ATF2: variants seen among roughly 807,000 people sequenced by gnomAD.
ATF2 encodes activating transcription factor 2.
ATF2 carries 24 observed loss-of-function variants against 60.6 expected under a neutral mutation model. The ratio of observed to expected loss-of-function variants is 0.40; its 90% CI spans 0.29 to 0.56. The LOEUF (loss-of-function observed/expected upper bound fraction) is 0.56. Among genes scored for constraint, ATF2 ranks in the 20% least tolerant of loss-of-function variants. The probability of loss-of-function intolerance (pLI) is 0.54; values close to 1 mark genes in which losing one functional copy is unlikely to be tolerated. For synonymous variants in ATF2, 206 were observed against 215.4 expected (o/e 0.96, Z 0.38); for missense variants, 433 against 607.7 (o/e 0.71, Z 3.02).
chr2:175,163,610 G>A (rs1700155486), intron 1 of ATF2, among the ~76,000 whole-genome samples: 2 of 151,838 alleles, frequency 1.3e-5, no homozygotes, highest in Admixed American at 1.3e-4. Context: ...TACTGTCAAT[G>A]TCAAAATGCC....
Position 175,073,162 on chromosome 2 carries a change from T to C in ATF2, c.*1447A>G, listed in dbSNP as rs1428116202. 1 of 152,158 alleles carries C rather than the reference T, an allele frequency of 6.6e-6. No individual in the cohort carries two copies. Among genetic ancestry groups the C allele is most frequent in the Non-Finnish European group, 1.5e-5 (1 of 68,036 alleles). 9.4% of individuals were successfully genotyped at this position (152,158 alleles called of 1,614,324 possible). A position where few individuals can be genotyped will look rare whatever the true frequency, so the allele number is the denominator to read the frequency against. On this transcript the variant is annotated 3_prime_UTR_variant, in exon 14 of 14. Transcript: ENST00000264110. ...GTTTTCTTACGCACATCTACTACTTTTAAAATTTTATGTTTAACAATTTAT... is the reference window on the plus strand; with the variant it reads ...GTTTTCTTACGCACATCTACTACTTCTAAAATTTTATGTTTAACAATTTAT...
At chr2:175,112,540 G>A (rs980677970) in intron 9 of ATF2, among the ~76,000 whole-genome samples, 5 of 152,060 alleles carry the variant, frequency 3.3e-5, no homozygotes, top group Admixed American at 6.6e-5. Context: ...TAATCTCACC[G>A]AAAGTGTTGG....
chr2:175,115,291 A>G (rs1340913022), intron 7 of ATF2, among the ~76,000 whole-genome samples: 2 of 152,328 alleles, frequency 1.3e-5, no homozygotes, highest in South Asian at 4.1e-4. Context: ...AGACTGTGTT[A>G]TGGCTGATAC....
chr2:175,075,362 T>C (rs1693221086), intron 13 of ATF2, among the ~76,000 whole-genome samples: 1 of 152,188 alleles, frequency 6.6e-6, no homozygotes, highest in South Asian at 2.1e-4. Flanking sequence ...TAACACCTGA[T>C]TCTAATGATG....
At chr2:175,144,096 T>C (rs1046947896) in intron 2 of ATF2, among the ~76,000 whole-genome samples, 7 of 152,114 alleles carry the variant, frequency 4.6e-5, no homozygotes, top group Non-Finnish European at 8.8e-5. Context: ...ACCTGATTCT[T>C]TGCCCATTTT....
At chr2:175,155,604 G>A (rs1426109167) in intron 1 of ATF2, among the ~76,000 whole-genome samples, 1 of 152,102 alleles carries the variant, frequency 6.6e-6, no homozygotes, top group Non-Finnish European at 1.5e-5. Context: ...AAAAAATTTT[G>A]AAAAATTAAA....
At chr2:175,117,882 G>T in intron 7 of ATF2, 108 bp downstream of exon 7, 1 of 1,246,892 alleles carries the variant, frequency 8.0e-7, no homozygotes, top group Non-Finnish European at 1.1e-6. Flanking sequence ...TAAAACTATT[G>T]CAAGCTGACA....
chr2:175,153,254 G>A (rs1641727286), intron 1 of ATF2, among the ~76,000 whole-genome samples: 1 of 152,162 alleles, frequency 6.6e-6, no homozygotes, highest in Non-Finnish European at 1.5e-5. Context: ...AGGAGCCTCT[G>A]CTTTGCCCCC....
intron 3 of ATF2, among the ~76,000 whole-genome samples, chr2:175,135,902 A>G (rs1698109210): frequency 6.6e-6 from 1 of 152,170 alleles, no homozygotes; most frequent in Admixed American, 6.5e-5. Context: ...TTAACCCTTC[A>G]ATAGCAATGC....
chr2:175,115,481 A>G (rs1316978844), intron 7 of ATF2, among the ~76,000 whole-genome samples: 1 of 152,180 alleles, frequency 6.6e-6, no homozygotes, highest in Non-Finnish European at 1.5e-5. Context: ...AGAATTTGTC[A>G]GCCAAGACCT....
chr2:175,114,599 C>T, intron 8 of ATF2, 91 bp downstream of exon 8: 1 of 1,523,514 alleles, frequency 6.6e-7, no homozygotes, highest in Non-Finnish European at 8.8e-7. Context: ...AAACTAAGAT[C>T]TTAGTTTGAA....
chr2:175,089,181 CA>C (rs35962280), intron 12 of ATF2, among the ~76,000 whole-genome samples: 30 of 139,336 alleles, frequency 2.2e-4, no homozygotes, highest in Admixed American at 6.4e-4. Flanking sequence ...ACTCTGTCTC[CA>C]AAAAAAAAAA....
chr2:175,141,580 T>C (rs1371820708), intron 2 of ATF2, among the ~76,000 whole-genome samples: 3 of 151,804 alleles, frequency 2.0e-5, no homozygotes, highest in Non-Finnish European at 4.4e-5. Flanking sequence ...GTAAGCTCCA[T>C]CTCCCGGGTT....
intron 2 of ATF2, among the ~76,000 whole-genome samples, chr2:175,137,100 T>C (rs887641996): frequency 1.3e-4 from 20 of 152,176 alleles, no homozygotes; most frequent in African/African-American, 4.1e-4. Context: ...AAGCTAATGG[T>C]GCATAGAGGA....
rs752766623 is a variant in ATF2 at position 175,118,074 on chromosome 2, GCTT to G, written c.360_362del (p.Arg120del). 3 of 1,611,702 alleles carry G rather than the reference GCTT, an allele frequency of 1.9e-6. No individual in the cohort carries two copies. The highest frequency in any genetic ancestry group is 2.7e-5 in the African/African-American group (2 of 74,784). ...CTACAACAGAAGGCTCCTCAATTTT[GCTT>G]CTTATGATAGGTGTTGCAAGAGGGG... On this transcript the variant is annotated inframe_deletion, in exon 7 of 14. Transcript: ENST00000264110.
chr2:175,115,699 A>C (rs1055258274), intron 7 of ATF2, among the ~76,000 whole-genome samples: 1 of 152,192 alleles, frequency 6.6e-6, no homozygotes, highest in African/African-American at 2.4e-5. Flanking sequence ...TTATTCAGTA[A>C]GTTGAGAACT....
intron 12 of ATF2, among the ~76,000 whole-genome samples, chr2:175,089,252 T>C (rs1390976685): frequency 6.6e-6 from 1 of 152,122 alleles, no homozygotes; most frequent in African/African-American, 2.4e-5. Context: ...ATGTCTCTAA[T>C]ATAATTTGAT....
chr2:175,124,338 A>G (rs1209868773), intron 4 of ATF2, among the ~76,000 whole-genome samples: 1 of 151,626 alleles, frequency 6.6e-6, no homozygotes, highest in East Asian at 1.9e-4. Flanking sequence ...AATCTCTCTT[A>G]AAAGGTTAAA....
chr2:175,130,176 C>A lies in ATF2; in HGVS notation c.64G>T (p.Asp22Tyr), dbSNP rs780721889. Residue 22 changes from aspartate (D) to tyrosine (Y), a missense_variant, in exon 4 of 14, where the codon GAC becomes TAC. Physicochemically the swap from Asp to Tyr is radical, Grantham distance 160. This residue lies in a region of ATF2 where 29 missense variants were observed against 102.1 expected (regional missense o/e 0.28). Transcript: ENST00000264110. ...QYKDLWNMSD[D>Y]KPFLCTAPGC... ...GGCGCAGTACATAGAAAGGGTTTGT[C>A]ATCACTCATATTCCACAGGTCCTTG... 1 of 1,595,904 alleles carries A rather than the reference C, an allele frequency of 6.3e-7. No individual in the cohort carries two copies. Among genetic ancestry groups the A allele is most frequent in the Admixed American group, 1.7e-5 (1 of 59,112 alleles).
Sources: gnomAD v4.1 joint callset for allele counts (sites outside exome capture counted in the v4.1 genomes callset) on GRCh38, gnomAD v4.1.1 for gene constraint, gnomAD v4.1.1 regional missense constraint, MANE v1.5 for transcripts, NCBI Gene and HGNC (gene_info 2026-07-23, HGNC 2026-07-21) for gene names.